The following ADAMTS18 variants were observed in gnomAD, a reference collection of about 807,000 sequenced individuals.
ADAMTS18 encodes the protein A disintegrin and metalloproteinase with thrombospondin motifs 18.
ADAMTS18 carries 157 observed loss-of-function variants against 165.9 expected under a neutral mutation model. That is an observed-to-expected ratio of 0.95 (90% CI 0.83 to 1.08). The LOEUF (loss-of-function observed/expected upper bound fraction) is 1.08, where lower values mean the gene tolerates loss of function less well. ADAMTS18 is among the 50% of genes least tolerant of loss of function. ADAMTS18 has a pLI of 0.00. For synonymous variants in ADAMTS18, 782 were observed against 578.2 expected (o/e 1.35, Z -5.06); for missense variants, 2,040 against 1,534.0 (o/e 1.33, Z -5.51).
chr16:77,322,258 A>C (rs1250715161), intron 14 of ADAMTS18, 78 bp downstream of exon 14: 1 of 1,570,664 alleles, frequency 6.4e-7, no homozygotes, highest in Non-Finnish European at 8.7e-7. Context: ...ACAATCTCTC[A>C]CACCACTGTT....
Position 77,335,916 on chromosome 16 carries a change from A to G in ADAMTS18, c.1711-12T>C, listed in dbSNP as rs1413981432. ...CCTTGCCGACACCACTGTGAAAAGA[A>G]CGTGTAAGATGGTTCCCGTCAGAGA... On this transcript the variant is annotated splice_polypyrimidine_tract_variant and intron_variant, in intron 11 of 22. Coordinates refer to ENST00000282849, the MANE Select transcript of ADAMTS18 (RefSeq NM_199355.4). 1 of 1,614,082 alleles carries G rather than the reference A, an allele frequency of 6.2e-7. No homozygotes were observed. Among genetic ancestry groups the G allele is most frequent in the Non-Finnish European group, 8.5e-7 (1 of 1,180,026 alleles).
At chr16:77,385,509 C>T (rs2057094178) in intron 3 of ADAMTS18, among the ~76,000 whole-genome samples, 1 of 152,172 alleles carries the variant, frequency 6.6e-6, no homozygotes, top group Non-Finnish European at 1.5e-5. Context: ...CTTGCTGATG[C>T]ACACTATCAG....
intron 3 of ADAMTS18, among the ~76,000 whole-genome samples, chr16:77,426,521 C>A (rs1206647149): frequency 3.3e-5 from 5 of 152,184 alleles, no homozygotes; most frequent in African/African-American, 1.2e-4. Context: ...TTTCTAAAAC[C>A]ATACTGTGTA....
rs144455612 is a variant in ADAMTS18 at position 77,294,927 on chromosome 16, G to A, written c.3002C>T (p.Ser1001Phe). Residue 1001 changes from serine to phenylalanine, a missense_variant, in exon 19 of 23, where the codon TCT becomes TTT. Transcript: ENST00000282849. ...CPPQWSLGPWSQCSKTCGRGV... is the reference protein window; with the variant it reads ...CPPQWSLGPWFQCSKTCGRGV... ...TCCCAAGTTTTCTCCTGTTACCTGA[G>A]ACCAGGGTCCAAGGCTCCATTGTGG... 1 of 1,614,132 alleles carries A rather than the reference G, an allele frequency of 6.2e-7. No homozygotes were observed. The highest frequency in any genetic ancestry group is 8.5e-7 in the Non-Finnish European group (1 of 1,180,004).
intron 20 of ADAMTS18, 103 bp downstream of exon 20, chr16:77,292,973 C>T (rs1266770770): frequency 1.4e-6 from 2 of 1,466,148 alleles, no homozygotes; most frequent in African/African-American, 2.8e-5. Context: ...GCGCCTGCCA[C>T]CTTGCCTGGC....
rs148796853 is a variant in ADAMTS18 at position 77,350,712 on chromosome 16, C to T, written c.1614+3021G>A. On this transcript the variant is annotated intron_variant, in intron 10 of 22. Coordinates refer to ENST00000282849, the MANE Select transcript of ADAMTS18 (RefSeq NM_199355.4). Reference sequence around the variant, plus strand: ...CTCAATCTTGACTGAGCATCAGGGTCATCTAGAGCTTTTGTTAGAATATGG... The same window carrying T: ...CTCAATCTTGACTGAGCATCAGGGTTATCTAGAGCTTTTGTTAGAATATGG... 2.1e-3 allele frequency among the ~76,000 whole-genome samples: 320 copies of T among 152,244 alleles called. 1 individual carries two copies. The highest frequency in any genetic ancestry group is 6.8e-3 in the Middle Eastern group (2 of 294).
intron 3 of ADAMTS18, among the ~76,000 whole-genome samples, chr16:77,409,806 T>C (rs908829388): frequency 6.6e-6 from 1 of 152,188 alleles, no homozygotes; most frequent in Admixed American, 6.5e-5. Context: ...ATCTTTCTTG[T>C]GCTTTTGGAG....
At chr16:77,397,248 T>C (rs2057270477) in intron 3 of ADAMTS18, among the ~76,000 whole-genome samples, 1 of 152,220 alleles carries the variant, frequency 6.6e-6, no homozygotes, top group Non-Finnish European at 1.5e-5. Context: ...GGAGAAACTT[T>C]GTGTATTTAT....
At chr16:77,400,161 T>C (rs558640472) in intron 3 of ADAMTS18, among the ~76,000 whole-genome samples, 3 of 152,252 alleles carry the variant, frequency 2.0e-5, no homozygotes, top group African/African-American at 7.2e-5. Flanking sequence ...TCCATGGTCT[T>C]ATACCCATTC....
At chr16:77,312,219 CA>C (rs990699563) in intron 16 of ADAMTS18, among the ~76,000 whole-genome samples, 3 of 150,964 alleles carry the variant, frequency 2.0e-5, no homozygotes, top group East Asian at 1.9e-4. Context: ...TTCCATTCCT[CA>C]AAAAAAACTT....
At chr16:77,301,016 T>C (rs1355272424) in intron 16 of ADAMTS18, among the ~76,000 whole-genome samples, 1 of 152,188 alleles carries the variant, frequency 6.6e-6, no homozygotes, top group Non-Finnish European at 1.5e-5. Flanking sequence ...AAAGAGAATT[T>C]GTTAACTGTG....
intron 12 of ADAMTS18, among the ~76,000 whole-genome samples, chr16:77,332,967 T>C (rs1289529334): frequency 6.6e-6 from 1 of 152,202 alleles, no homozygotes; most frequent in Non-Finnish European, 1.5e-5. Flanking sequence ...TGATGTACAT[T>C]CCTGCAAGGC....
rs978045134 is a variant in ADAMTS18, at chr16:77,327,617, G to A, written c.1860-1579C>T. 8.5e-5 allele frequency among the ~76,000 whole-genome samples: 13 copies of A among 152,312 alleles called. No individual in the cohort carries two copies. The East Asian group carries it at 1.9e-3, about 23-fold the overall frequency. On this transcript the variant is annotated intron_variant, in intron 12 of 22. Transcript: ENST00000282849. ...AGCAACCTGGATAAAACTGGAGACC[G>A]TTATTCTAACTGAAGGGATATTCCT...
At chr16:77,354,760 G>T (rs942278485) in intron 9 of ADAMTS18, among the ~76,000 whole-genome samples, 10 of 152,154 alleles carry the variant, frequency 6.6e-5, no homozygotes, top group African/African-American at 2.4e-4. Context: ...AAAGTTAGCT[G>T]CTGCTGTTAT....
intron 3 of ADAMTS18, among the ~76,000 whole-genome samples, chr16:77,397,270 T>A (rs2057270869): frequency 6.6e-6 from 1 of 152,210 alleles, no homozygotes; most frequent in Admixed American, 6.5e-5. Context: ...CCTACATAAG[T>A]GAAATACACT....
chr16:77,401,216 T>G (rs531903738), intron 3 of ADAMTS18, among the ~76,000 whole-genome samples: 4 of 152,074 alleles, frequency 2.6e-5, no homozygotes, highest in African/African-American at 9.7e-5. Flanking sequence ...ATCATACCAC[T>G]TCACTCCAGC....
At position 77,341,813 on chromosome 16, in the gene ADAMTS18, A is replaced by T. The variant is rs1278123520; in HGVS notation, c.1615-14T>A. 2 of 1,592,142 alleles carry T rather than the reference A, an allele frequency of 1.3e-6. No homozygotes were observed. The highest frequency in any genetic ancestry group is 2.7e-5 in the African/African-American group (2 of 74,380). ...TTTGCAAATATCCTGAAATAAAAAA[A>T]AAGGGGGGTGCTGTTAATGGTGATA... On this transcript the variant is annotated splice_polypyrimidine_tract_variant and intron_variant, in intron 10 of 22. Transcript: ENST00000282849.
At chr16:77,333,407 G>A (rs1453095793) in intron 12 of ADAMTS18, among the ~76,000 whole-genome samples, 1 of 151,454 alleles carries the variant, frequency 6.6e-6, no homozygotes, top group Non-Finnish European at 1.5e-5. Flanking sequence ...AACCACCATG[G>A]CGCTATATAC....
chr16:77,419,770 G>A (rs2057577027), intron 3 of ADAMTS18, among the ~76,000 whole-genome samples: 1 of 151,972 alleles, frequency 6.6e-6, no homozygotes, highest in African/African-American at 2.4e-5. Flanking sequence ...ACTTTGACAG[G>A]CAGGTGAATC....
Sources: allele counts gnomAD v4.1 joint callset (sites outside exome capture counted in the v4.1 genomes callset), GRCh38; gene constraint gnomAD v4.1.1; transcripts MANE v1.5; gene names NCBI Gene and HGNC (gene_info 2026-07-23, HGNC 2026-07-21).